CALN1: variants seen among roughly 807,000 people sequenced by gnomAD.
CALN1 encodes the protein calneuron 1, also known as calcium-binding protein 8.
Under a neutral mutation model 30.6 loss-of-function variants are expected in CALN1, and 17 were observed. The observed-to-expected ratio is 0.56, with a 90% confidence interval of 0.38 to 0.83. CALN1 has a LOEUF of 0.83. CALN1 is among the 40% of genes least tolerant of loss of function. CALN1 has a pLI of 0.00. For missense variants in CALN1, 291 were observed against 354.9 expected, an observed-to-expected ratio of 0.82 and a Z score of 1.45; for synonymous variants, 156 against 131.4, an observed-to-expected ratio of 1.19 and a Z score of -1.28.
intron 3 of CALN1, among the ~76,000 whole-genome samples, chr7:72,212,148 G>A (rs549644335): frequency 1.7e-4 from 26 of 152,150 alleles, no homozygotes; most frequent in South Asian, 1.2e-3. Flanking sequence ...GTCAGGAGAT[G>A]GAGACCATCC....
intron 5 of CALN1, among the ~76,000 whole-genome samples, chr7:71,911,763 G>A (rs1382897838): frequency 6.6e-6 from 1 of 152,038 alleles, no homozygotes; most frequent in African/African-American, 2.4e-5. Context: ...AAATCAGAAG[G>A]GCCTCTCTGT....
the CALN1 span, among the ~76,000 whole-genome samples, chr7:72,463,570 A>T: frequency 6.6e-6 from 1 of 151,770 alleles, no homozygotes. Context: ...ATTTTATTTT[A>T]TTTTTTTGAG....
intron 5 of CALN1, among the ~76,000 whole-genome samples, chr7:71,882,568 C>A (rs1039201921): frequency 2.6e-5 from 4 of 152,164 alleles, no homozygotes; most frequent in African/African-American, 9.7e-5. Context: ...TCTTGCAAAT[C>A]CTGGATACAT....
chr7:72,387,345 T>C (rs1010425034), intron 2 of CALN1, among the ~76,000 whole-genome samples: 8 of 147,388 alleles, frequency 5.4e-5, no homozygotes, highest in Admixed American at 2.1e-4. Flanking sequence ...CCATAATTTA[T>C]AGGTAATCTG....
intron 3 of CALN1, among the ~76,000 whole-genome samples, chr7:72,153,036 GT>G (rs1401121347): frequency 2.6e-5 from 4 of 152,170 alleles, no homozygotes; most frequent in Non-Finnish European, 2.9e-5. Flanking sequence ...TAGAACCTCA[GT>G]GTTCACACTG....
intron 2 of CALN1, among the ~76,000 whole-genome samples, chr7:72,325,489 T>C (rs1191138801): frequency 6.6e-6 from 1 of 151,962 alleles, no homozygotes; most frequent in African/African-American, 2.4e-5. Flanking sequence ...TAATCCCAGC[T>C]ACTTGGGAGG....
chr7:72,223,894 A>G (rs1348532565), intron 3 of CALN1, among the ~76,000 whole-genome samples: 9 of 152,230 alleles, frequency 5.9e-5, no homozygotes, highest in Non-Finnish European at 1.2e-4. Flanking sequence ...AAGTTGATGC[A>G]TAAACAGAAA....
chr7:71,926,232 C>T (rs560207407), intron 5 of CALN1, among the ~76,000 whole-genome samples: 11 of 151,644 alleles, frequency 7.3e-5, no homozygotes, highest in South Asian at 2.1e-4. Context: ...ATGAGCATTT[C>T]GCAAGTCTCC....
At chr7:72,358,297 C>T (rs1488409241) in intron 2 of CALN1, among the ~76,000 whole-genome samples, 1 of 151,958 alleles carries the variant, frequency 6.6e-6, no homozygotes, top group Non-Finnish European at 1.5e-5. Flanking sequence ...CACGCCTAGC[C>T]TTGGATCACA....
intron 3 of CALN1, among the ~76,000 whole-genome samples, chr7:72,231,054 A>T (rs901244151): frequency 6.6e-6 from 1 of 151,904 alleles, no homozygotes; most frequent in African/African-American, 2.4e-5. Flanking sequence ...CACTGTCTAC[A>T]CTACCAGTCT....
At chr7:71,967,134 A>G (rs1455210834) in intron 5 of CALN1, among the ~76,000 whole-genome samples, 1 of 152,194 alleles carries the variant, frequency 6.6e-6, no homozygotes, top group African/African-American at 2.4e-5. Context: ...ACCTAAAACT[A>G]TAAAATATAC....
the CALN1 span, among the ~76,000 whole-genome samples, chr7:72,469,024 C>A: frequency 6.6e-6 from 1 of 152,162 alleles, no homozygotes; most frequent in South Asian, 2.1e-4. Context: ...ACTTCCTTGA[C>A]AATGACCTTC....
chr7:72,136,412 T>C (rs1301213330), intron 3 of CALN1, among the ~76,000 whole-genome samples: 1 of 152,044 alleles, frequency 6.6e-6, no homozygotes, highest in Non-Finnish European at 1.5e-5. Context: ...TTGAAAAGAG[T>C]TGGGGCCTTG....
chr7:72,106,330 A>G (rs1807107895), intron 3 of CALN1, 36 bp from the exon 4 acceptor site: 5 of 1,612,152 alleles, frequency 3.1e-6, no homozygotes, highest in Non-Finnish European at 4.2e-6. Context: ...CAGTGGTCAC[A>G]TGGCTGGCTT....
chr7:72,244,492 A>G (rs996904014), intron 3 of CALN1, among the ~76,000 whole-genome samples: 3 of 152,170 alleles, frequency 2.0e-5, no homozygotes, highest in African/African-American at 7.2e-5. Context: ...AAGAAAACAG[A>G]AAAGTTCCAC....
chr7:72,192,700 A>C (rs1333137387), intron 3 of CALN1, among the ~76,000 whole-genome samples: 3 of 150,594 alleles, frequency 2.0e-5, no homozygotes, highest in Non-Finnish European at 4.4e-5. Context: ...GTACATGTGC[A>C]CATTGTGCAG....
intron 3 of CALN1, among the ~76,000 whole-genome samples, chr7:72,225,101 C>CA (rs201277766): frequency 0.074 from 10,266 of 138,128 alleles, 767 homozygotes; most frequent in East Asian, 0.42. Context: ...GACTCCATCT[C>CA]AAAAAAAAAA....
At chr7:72,049,134 G>C (rs1802673232) in intron 4 of CALN1, among the ~76,000 whole-genome samples, 2 of 152,094 alleles carry the variant, frequency 1.3e-5, no homozygotes, top group South Asian at 4.2e-4. Context: ...ATATTACCTG[G>C]TGGGTGGGGG....
At chr7:72,116,822 A>T (rs1008589010) in intron 3 of CALN1, among the ~76,000 whole-genome samples, 8 of 152,214 alleles carry the variant, frequency 5.3e-5, no homozygotes, top group African/African-American at 1.9e-4. Flanking sequence ...TTCTGAGCCA[A>T]TATGAATAAC....
Sources: allele counts gnomAD v4.1 joint callset (sites outside exome capture counted in the v4.1 genomes callset), GRCh38; gene constraint gnomAD v4.1.1; transcripts MANE v1.5; gene names NCBI Gene and HGNC (gene_info 2026-07-23, HGNC 2026-07-21).